Variants in APLF observed in about 807,000 individuals in gnomAD.
APLF encodes the protein aprataxin and PNKP like factor.
Under a neutral mutation model 55.6 loss-of-function variants are expected in APLF, and 61 were observed. The observed-to-expected ratio is 1.10, with a 90% CI of 0.89 to 1.36. The LOEUF is 1.36. Ranked by LOEUF, APLF falls within the 40% of genes most tolerant of loss-of-function variation. APLF has a pLI of 0.00. For missense variants in APLF, 611 were observed against 602.5 expected (o/e 1.01, Z -0.15); for synonymous variants, 207 against 214.8 (o/e 0.96, Z 0.32).
At chr2:68,566,577 CTGT>C (rs895919085) in intron 8 of APLF, among the ~76,000 whole-genome samples, 5 of 152,258 alleles carry the variant, frequency 3.3e-5, no homozygotes, top group African/African-American at 9.6e-5. Context: ...CAGCACATAT[CTGT>C]TGTTAGTGTA....
intron 6 of APLF, among the ~76,000 whole-genome samples, chr2:68,535,608 T>C (rs927825172): frequency 2.0e-5 from 3 of 152,022 alleles, no homozygotes; most frequent in Non-Finnish European, 4.4e-5. Context: ...GTGCTCTTTT[T>C]TTTTTTTTTT....
At chr2:68,515,645 A>C in intron 5 of APLF, 1 of 984,794 alleles carries the variant, frequency 1.0e-6, no homozygotes, top group Non-Finnish European at 1.2e-6. Flanking sequence ...TACGAATGAG[A>C]GTAATTTGAC....
intron 2 of APLF, among the ~76,000 whole-genome samples, chr2:68,501,251 T>C (rs548585353): frequency 1.3e-5 from 2 of 152,222 alleles, no homozygotes; most frequent in Non-Finnish European, 2.9e-5. Context: ...AGGTGGATTA[T>C]ATTCATTCTG....
intron 5 of APLF, among the ~76,000 whole-genome samples, chr2:68,518,638 A>ATCAATATATCATGAATATATAATAATATC (rs1669753281): frequency 1.8e-5 from 2 of 109,958 alleles, no homozygotes; most frequent in South Asian, 4.7e-4. Flanking sequence ...ATAATAATAT[A>ATCAATATATCATGAATATATAATAATATC]TCATTAATAT....
chr2:68,518,923 T>C (rs1429130642), intron 5 of APLF, among the ~76,000 whole-genome samples: 3 of 124,730 alleles, frequency 2.4e-5, no homozygotes, highest in African/African-American at 6.4e-5. Flanking sequence ...TAATAATATA[T>C]CATTAATATT....
intron 1 of APLF, among the ~76,000 whole-genome samples, chr2:68,474,192 T>C (rs560630081): frequency 6.6e-6 from 1 of 152,390 alleles, no homozygotes; most frequent in Admixed American, 6.5e-5. Context: ...CAGAAACCTC[T>C]ACATGTTCAC....
At chr2:68,513,428 T>C in intron 4 of APLF, 120 bp from the exon 5 acceptor site, 1 of 1,300,294 alleles carries the variant, frequency 7.7e-7, no homozygotes, top group Non-Finnish European at 1.1e-6. Context: ...CAAGAAATTT[T>C]ATGAACTCAG....
At chr2:68,478,373 T>C (rs1675845242) in intron 1 of APLF, among the ~76,000 whole-genome samples, 1 of 152,292 alleles carries the variant, frequency 6.6e-6, no homozygotes, top group South Asian at 2.1e-4. Context: ...GTAAAACACC[T>C]TTTTATCTTG....
intron 1 of APLF, 71 bp from the exon 2 acceptor site, chr2:68,490,119 G>A (rs576381939): frequency 3.9e-5 from 43 of 1,104,846 alleles, no homozygotes; most frequent in South Asian, 1.2e-4. Context: ...CAAGGGTTTC[G>A]TTTGCCTTTT....
At chr2:68,493,510 A>G (rs1181367764) in intron 2 of APLF, among the ~76,000 whole-genome samples, 1 of 152,242 alleles carries the variant, frequency 6.6e-6, no homozygotes, top group Non-Finnish European at 1.5e-5. Flanking sequence ...GTAAAAGCCA[A>G]TGAAATAAAA....
At chr2:68,558,018 T>C (rs1671061901) in intron 8 of APLF, among the ~76,000 whole-genome samples, 1 of 152,186 alleles carries the variant, frequency 6.6e-6, no homozygotes, top group African/African-American at 2.4e-5. Flanking sequence ...AGTTCTTTAA[T>C]TGTACATAAG....
chr2:68,519,209 A>C (rs896054206), intron 5 of APLF, among the ~76,000 whole-genome samples: 3 of 140,046 alleles, frequency 2.1e-5, no homozygotes, highest in Non-Finnish European at 3.1e-5. Flanking sequence ...ATAAATATAT[A>C]TTATCTATAT....
intron 9 of APLF, among the ~76,000 whole-genome samples, chr2:68,571,686 G>A (rs1001685582): frequency 1.3e-5 from 2 of 152,130 alleles, no homozygotes; most frequent in African/African-American, 4.8e-5. Flanking sequence ...TGCTGTTTAG[G>A]TTACTGTAGC....
At chr2:68,533,867 C>T (rs1670322738) in intron 6 of APLF, among the ~76,000 whole-genome samples, 1 of 152,294 alleles carries the variant, frequency 6.6e-6, no homozygotes, top group East Asian at 1.9e-4. Context: ...AGGGTGAAGA[C>T]AGCAGTGTGA....
chr2:68,525,009 C>A (rs1669993370), intron 5 of APLF, among the ~76,000 whole-genome samples: 1 of 152,134 alleles, frequency 6.6e-6, no homozygotes, highest in South Asian at 2.1e-4. Context: ...AAGTCACTCT[C>A]CTGTTTGGGT....
chr2:68,493,686 G>A (rs1376042866), intron 2 of APLF, among the ~76,000 whole-genome samples: 1 of 152,214 alleles, frequency 6.6e-6, no homozygotes, highest in East Asian at 1.9e-4. Flanking sequence ...GATTTAGTCT[G>A]TGTGCTGTGG....
In APLF at chr2:68,467,910, G is replaced by T. The variant is rs1011551087; in HGVS notation, c.96+83G>T. 3.6e-6 allele frequency: 4 copies of T among 1,095,988 alleles called. No individual in the cohort carries two copies. In the African/African-American group the frequency reaches 6.5e-5, roughly 18 times the overall value. The allele number at this position is 1,095,988 out of a possible 1,614,324, so 67.9% of individuals were successfully genotyped here. On this transcript the variant is annotated intron_variant, in intron 1 of 9. Coordinates refer to ENST00000303795, the MANE Select transcript of APLF (RefSeq NM_173545.3). ...CTGAAGACCGGCCCTAGTCCTGGCC[G>T]GTTTCCCCACCGCACTGGTCCGCCG...
chr2:68,472,687 T>C (rs557969930), intron 1 of APLF, among the ~76,000 whole-genome samples: 1 of 152,148 alleles, frequency 6.6e-6, no homozygotes, highest in East Asian at 1.9e-4. Context: ...AGAATTTTGG[T>C]AGGTGGAGTG....
chr2:68,482,104 T>G lies in APLF; in HGVS notation c.97-8086T>G, dbSNP rs116864623. On this transcript the variant is annotated intron_variant, in intron 1 of 9. Coordinates refer to ENST00000303795, the MANE Select transcript of APLF (RefSeq NM_173545.3). ...GCATTTTATAAATTTCTTTTTTTTTTTGTGGAGTCTGCTATTGGAGAATTA... is the reference window on the plus strand; with the variant it reads ...GCATTTTATAAATTTCTTTTTTTTTGTGTGGAGTCTGCTATTGGAGAATTA... Among the ~76,000 whole-genome samples the G allele has an allele frequency of 1.3e-4, 20 of 152,192 alleles. No individual in the cohort carries two copies. In the East Asian group the frequency reaches 2.7e-3, roughly 21 times the overall value.
Sources: gnomAD v4.1 joint callset for allele counts (sites outside exome capture counted in the v4.1 genomes callset) on GRCh38, gnomAD v4.1.1 for gene constraint, MANE v1.5 for transcripts, NCBI Gene and HGNC (gene_info 2026-07-23, HGNC 2026-07-21) for gene names.